The following MROH1 variants were observed in gnomAD, a reference collection of about 807,000 sequenced individuals.
The protein encoded by MROH1 is maestro heat like repeat family member 1, also known as maestro heat-like repeat-containing protein family member 1.
In MROH1, 117 loss-of-function variants were observed where a neutral mutation model predicts 116.5. The ratio of observed to expected loss-of-function variants is 1.00; its 90% CI spans 0.86 to 1.17. MROH1 has a LOEUF of 1.17. MROH1 is among the 50% of genes most tolerant of loss of function. The probability of loss-of-function intolerance (pLI) is 0.00; values close to 1 mark genes in which losing one functional copy is unlikely to be tolerated. For missense variants in MROH1, 1,873 were observed against 1,338.5 expected (o/e 1.40, Z -6.23); for synonymous variants, 921 against 583.9 (o/e 1.58, Z -8.32).
intron 14 of MROH1, among the ~76,000 whole-genome samples, chr8:144,224,696 A>G (rs1369152126): frequency 6.6e-6 from 1 of 152,198 alleles, no homozygotes; most frequent in Non-Finnish European, 1.5e-5. Flanking sequence ...TCATGATAAA[A>G]TGTTCAAAAA....
At chr8:144,249,653 C>T (rs890767947) in intron 32 of MROH1, among the ~76,000 whole-genome samples, 46 of 152,248 alleles carry the variant, frequency 3.0e-4, no homozygotes, top group African/African-American at 1.0e-3. Context: ...GTTTCCCCCG[C>T]GTTCCGTTCA....
intron 4 of MROH1, chr8:144,175,680 T>C (rs1330009820): frequency 1.8e-6 from 1 of 554,514 alleles, no homozygotes. Context: ...TCCCAGCACT[T>C]TGGGAGCCTG....
At chr8:144,183,838 G>A (rs920253246) in intron 7 of MROH1, among the ~76,000 whole-genome samples, 1 of 151,792 alleles carries the variant, frequency 6.6e-6, no homozygotes, top group Non-Finnish European at 1.5e-5. Flanking sequence ...TAGTGGAGAC[G>A]GGGTTTCACC....
intron 28 of MROH1, 39 bp downstream of exon 28, chr8:144,244,578 G>A (rs2133007174): frequency 2.8e-6 from 2 of 723,684 alleles, no homozygotes; most frequent in East Asian, 2.7e-5. Flanking sequence ...GGGGATGGGG[G>A]CACAGAGGGC....
chr8:144,225,969 C>G (rs1476147424), intron 14 of MROH1, among the ~76,000 whole-genome samples: 1 of 134,004 alleles, frequency 7.5e-6, no homozygotes, highest in East Asian at 2.2e-4. Context: ...GGCTGGAGTG[C>G]AATGGCGTGA....
chr8:144,177,274 C>T (rs544244513), intron 4 of MROH1, among the ~76,000 whole-genome samples: 1 of 152,326 alleles, frequency 6.6e-6, no homozygotes, highest in African/African-American at 2.4e-5. Flanking sequence ...ATGTATGCCA[C>T]AGCCACGTGC....
At chr8:144,204,403 A>G (rs1832383878) in intron 12 of MROH1, among the ~76,000 whole-genome samples, 1 of 152,198 alleles carries the variant, frequency 6.6e-6, no homozygotes, top group South Asian at 2.1e-4. Context: ...TGAGATGGGC[A>G]TCTATGCCGT....
intron 13 of MROH1, 53 bp downstream of exon 13, chr8:144,220,726 G>A: frequency 6.7e-7 from 1 of 1,495,478 alleles, no homozygotes; most frequent in Non-Finnish European, 9.1e-7. Context: ...GGCAGCTGCA[G>A]GGTGTGGCCA....
At chr8:144,184,933 G>A (rs1460446677) in intron 7 of MROH1, among the ~76,000 whole-genome samples, 1 of 152,212 alleles carries the variant, frequency 6.6e-6, no homozygotes. Flanking sequence ...GGGCAGAGCA[G>A]GAGTCCCCAC....
chr8:144,151,857 G>A (rs903127141), intron 1 of MROH1, among the ~76,000 whole-genome samples: 1 of 152,202 alleles, frequency 6.6e-6, no homozygotes, highest in Non-Finnish European at 1.5e-5. Flanking sequence ...CCTGCGACGG[G>A]GACAAGGGGA....
Position 144,175,511 on chromosome 8 carries a change from G to C in MROH1, c.169-3944G>C, listed in dbSNP as rs528114552. On this transcript the variant is annotated intron_variant, in intron 4 of 43. Transcript: ENST00000326134. ...CCAGTTCCTGCACTATACCGGCCGT[G>C]CTGCCCCGGCAGTTAATCCACCCAC... 3.0e-6 allele frequency: 3 copies of C among 985,484 alleles called. No homozygotes were observed. In the African/African-American group the frequency reaches 5.2e-5, roughly 17 times the overall value. 61.0% of individuals were successfully genotyped at this position (985,484 alleles called of 1,614,324 possible).
At chr8:144,169,401 G>A (rs1341938187) in intron 4 of MROH1, among the ~76,000 whole-genome samples, 1 of 151,430 alleles carries the variant, frequency 6.6e-6, no homozygotes, top group Non-Finnish European at 1.5e-5. Context: ...TCTGTCAGCT[G>A]TCTTAGCTGT....
chr8:144,239,012 G>T, intron 15 of MROH1, 23 bp from the exon 16 acceptor site: 12 of 776,738 alleles, frequency 1.5e-5, no homozygotes, highest in Non-Finnish European at 2.6e-5. Context: ...GGCGGATGCA[G>T]ACCAGGCCCT....
intron 35 of MROH1, among the ~76,000 whole-genome samples, chr8:144,258,321 G>A (rs958239950): frequency 0.025 from 3,874 of 152,294 alleles, 91 homozygotes; most frequent in Middle Eastern, 0.037. Flanking sequence ...AGCCTCAGCC[G>A]ACACTGGGAG....
At chr8:144,176,892 C>T (rs973633015) in intron 4 of MROH1, among the ~76,000 whole-genome samples, 1 of 151,898 alleles carries the variant, frequency 6.6e-6, no homozygotes, top group Non-Finnish European at 1.5e-5. Flanking sequence ...CTGCAGAAGC[C>T]TTAAGGGAAA....
chr8:144,242,145 G>C, intron 22 of MROH1: 2 of 630,068 alleles, frequency 3.2e-6, no homozygotes, highest in East Asian at 5.5e-5. Flanking sequence ...TCGGTACCCA[G>C]TGGGCCCATG....
At chr8:144,229,319 G>A (rs1362783999) in intron 14 of MROH1, among the ~76,000 whole-genome samples, 4 of 150,522 alleles carry the variant, frequency 2.7e-5, no homozygotes, top group African/African-American at 7.3e-5. Flanking sequence ...TTCAGTTTTT[G>A]TTGCCCAGAT....
intron 12 of MROH1, among the ~76,000 whole-genome samples, chr8:144,207,620 C>A (rs1833130907): frequency 6.6e-6 from 1 of 152,108 alleles, no homozygotes; most frequent in African/African-American, 2.4e-5. Flanking sequence ...ATCCTTCTGC[C>A]CCAGCCTCCA....
intron 24 of MROH1, among the ~76,000 whole-genome samples, chr8:144,242,982 A>AG (rs1841282000): frequency 6.6e-6 from 1 of 152,152 alleles, no homozygotes; most frequent in African/African-American, 2.4e-5. Flanking sequence ...GTGAGCACCT[A>AG]GGAGAGGGGC....
Sources: allele counts gnomAD v4.1 joint callset (sites outside exome capture counted in the v4.1 genomes callset), GRCh38; gene constraint gnomAD v4.1.1; transcripts MANE v1.5; gene names NCBI Gene and HGNC (gene_info 2026-07-23, HGNC 2026-07-21).